RFPL4B: variants seen among roughly 807,000 people sequenced by gnomAD.
The protein encoded by RFPL4B is ret finger protein like 4B, also known as ret finger protein-like 4B.
For synonymous variants in RFPL4B, 118 were observed against 126.3 expected, an observed-to-expected ratio of 0.93 and a Z score of 0.44; for missense variants, 314 against 327.7, an observed-to-expected ratio of 0.96 and a Z score of 0.32.
In RFPL4B at chr6:112,350,542, G is replaced by A; in HGVS notation, c.*42G>A. On this transcript the variant is annotated 3_prime_UTR_variant, in exon 3 of 3. Coordinates refer to ENST00000441065, the MANE Select transcript of RFPL4B (RefSeq NM_001013734.3). ...TAGAAGCTTTCTGAGAGGTGAAAGA[G>A]AATTTTGGCCTGAGAAAGGTCAGCA... 6.7e-7 allele frequency: 1 copy of A among 1,499,336 alleles called. No homozygotes were observed. Among genetic ancestry groups the A allele is most frequent in the South Asian group, 1.3e-5 (1 of 75,238 alleles). 92.9% of individuals were successfully genotyped at this position (1,499,336 alleles called of 1,614,324 possible). A position where few individuals can be genotyped will look rare whatever the true frequency, so the allele number is the denominator to read the frequency against.
In RFPL4B at chr6:112,350,479, C is replaced by T. The variant is rs192278491; in HGVS notation, c.771C>T (p.Asn257=). Residue 257 remains asparagine (N), a synonymous_variant, in exon 3 of 3, where the codon AAC becomes AAT. Coordinates refer to ENST00000441065, the MANE Select transcript of RFPL4B (RefSeq NM_001013734.3). ...LELLGEGESG[N]VLTICP is the part of the protein sequence containing the mutation. ...TCTTGGGAGAAGGGGAGAGTGGCAA[C>T]GTCCTGACCATCTGCCCATGAGAAA... is the stretch of plus-strand genomic sequence containing the variant. 175 of 1,590,250 alleles carry T rather than the reference C, an allele frequency of 1.1e-4. 1 individual carries two copies. In the East Asian group the frequency reaches 3.5e-3, roughly 32 times the overall value.
Position 112,350,795 on chromosome 6 carries a change from A to C in RFPL4B, c.*295A>C, listed in dbSNP as rs556183956. ...TCAGTCAAACAGCTGTGGTAATTAG[A>C]GACAATACTATGCCTTTGTCTTATA... On this transcript the variant is annotated 3_prime_UTR_variant, in exon 3 of 3. Transcript: ENST00000441065. 6.6e-6 allele frequency: 2 copies of C among 301,012 alleles called. No homozygotes were observed. The highest frequency in any genetic ancestry group is 1.2e-4 in the East Asian group (2 of 16,478). 18.6% of individuals were successfully genotyped at this position (301,012 alleles called of 1,614,324 possible).
rs879361409 is a variant in RFPL4B, at chr6:112,347,363, A to T, written c.-279A>T. On this transcript the variant is annotated 5_prime_UTR_variant, in exon 1 of 3. Transcript: ENST00000441065. The stretch of plus-strand genomic sequence containing the variant: ...CAGAGGTCTGTAGAGGTAGAGACGT[A>T]GGCTTCGGATCTTTTAGAATTCTGC... 7.2e-5 allele frequency: 11 copies of T among 152,338 alleles called. No individual in the cohort carries two copies. Among genetic ancestry groups the T allele is most frequent in the Non-Finnish European group, 1.5e-4 (10 of 68,042 alleles). The allele number at this position is 152,338 out of a possible 1,614,324, so 9.4% of individuals were successfully genotyped here. A position where few individuals can be genotyped will look rare whatever the true frequency, so the allele number is the denominator to read the frequency against.
intron 1 of RFPL4B, among the ~76,000 whole-genome samples, chr6:112,348,848 A>T (rs7772069): frequency 0.22 from 33,715 of 152,160 alleles, 4,112 homozygotes; most frequent in African/African-American, 0.29. Flanking sequence ...TTGGGGTAAC[A>T]GGAGGGCATC....
chr6:112,349,909 C>A lies in RFPL4B; in HGVS notation c.201C>A (p.Ser67Arg). 1.2e-6 allele frequency: 2 copies of A among 1,614,114 alleles called. No homozygotes were observed. Among genetic ancestry groups the A allele is most frequent in the Non-Finnish European group, 1.7e-6 (2 of 1,179,990 alleles). Residue 67 changes from serine (S) to arginine (R), a missense_variant, in exon 3 of 3, where the codon AGC (serine) becomes AGA (arginine). By Grantham distance (110) the Ser-to-Arg change is moderately radical (BLOSUM62 -1). Transcript: ENST00000441065. ...KVPALEEWQVSVLTLMTKQHN... is the reference protein window; with the variant it reads ...KVPALEEWQVRVLTLMTKQHN... ...CTGCTTTGGAAGAATGGCAAGTGAGCGTCCTAACACTTATGACCAAGCAGC... is the reference window on the plus strand; with the variant it reads ...CTGCTTTGGAAGAATGGCAAGTGAGAGTCCTAACACTTATGACCAAGCAGC...
rs1458643245 is a variant in RFPL4B at position 112,350,458 on chromosome 6, G to C, written c.750G>C (p.Leu250Phe). Residue 250 changes from leucine to phenylalanine, a missense_variant, in exon 3 of 3, where the codon TTG becomes TTC. Coordinates refer to ENST00000441065, the MANE Select transcript of RFPL4B (RefSeq NM_001013734.3). ...LLCPFFCLEL[L>F]GEGESGNVLT... ...GTCCATTCTTCTGTCTTGAGCTCTT[G>C]GGAGAAGGGGAGAGTGGCAACGTCC... The C allele has an allele frequency of 2.5e-6, 4 of 1,605,088 alleles. No individual in the cohort carries two copies. Among genetic ancestry groups the C allele is most frequent in the African/African-American group, 1.3e-5 (1 of 74,690 alleles).
intron 1 of RFPL4B, among the ~76,000 whole-genome samples, chr6:112,347,875 G>C (rs973226999): frequency 2.0e-5 from 3 of 152,000 alleles, no homozygotes; most frequent in Admixed American, 2.0e-4. Context: ...TCAGGAGACC[G>C]AGGCAGGAGA....
rs1789126082 is a variant in RFPL4B at position 112,349,745 on chromosome 6, G to T, written c.37G>T (p.Val13Phe). 1.2e-6 allele frequency: 2 copies of T among 1,613,954 alleles called. No individual in the cohort carries two copies. The highest frequency in any genetic ancestry group is 2.7e-5 in the African/African-American group (2 of 74,878). ...CCTGCAAGCAGAGTTGTCCTGTCCA[G>T]TTTGCCTGGATTTTTTCTCCTGTTC... Reference protein sequence around the residue: ...KRLQAELSCPVCLDFFSCSIS... With the variant: ...KRLQAELSCPFCLDFFSCSIS... The change falls in exon 3 of 3, where the codon GTT becomes TTT. Residue 13 changes from valine to phenylalanine, a missense_variant. By Grantham distance (50) the Val-to-Phe change is conservative. Coordinates refer to ENST00000441065, the MANE Select transcript of RFPL4B (RefSeq NM_001013734.3).
chr6:112,347,974 CAAA>C (rs879611349), intron 1 of RFPL4B, among the ~76,000 whole-genome samples: 18 of 127,746 alleles, frequency 1.4e-4, no homozygotes, highest in Non-Finnish European at 2.5e-4. Flanking sequence ...GACTCCGTCT[CAAA>C]AAAAAAAAAA....
chr6:112,348,040 G>C (rs1789105669), intron 1 of RFPL4B, among the ~76,000 whole-genome samples: 4 of 152,008 alleles, frequency 2.6e-5, no homozygotes, highest in African/African-American at 9.7e-5. Flanking sequence ...TAGTAGTTGT[G>C]TCATAATTAG....
At chr6:112,348,866 T>A (rs1022843066) in intron 1 of RFPL4B, among the ~76,000 whole-genome samples, 3 of 152,216 alleles carry the variant, frequency 2.0e-5, no homozygotes, top group South Asian at 4.1e-4. Flanking sequence ...ATCTTCCTTG[T>A]CTGGAACATC....
At position 112,349,755 on chromosome 6, in the gene RFPL4B, A is replaced by G. The variant is rs1408649221; in HGVS notation, c.47A>G (p.Asp16Gly). 1.9e-6 allele frequency: 3 copies of G among 1,613,710 alleles called. No homozygotes were observed. Among genetic ancestry groups the G allele is most frequent in the Non-Finnish European group, 2.5e-6 (3 of 1,179,980 alleles). The change falls in exon 3 of 3, where the codon GAT becomes GGT. Residue 16 changes from aspartate (D) to glycine (G), a missense_variant. Transcript: ENST00000441065. ...QAELSCPVCL[D>G]FFSCSISLSC... ...GAGTTGTCCTGTCCAGTTTGCCTGG[A>G]TTTTTTCTCCTGTTCCATTTCTCTC...
chr6:112,350,648 CA>C lies in RFPL4B; in HGVS notation c.*150del, dbSNP rs968677337. On this transcript the variant is annotated 3_prime_UTR_variant, in exon 3 of 3. Coordinates refer to ENST00000441065, the MANE Select transcript of RFPL4B (RefSeq NM_001013734.3). ...AGATTTTGTAGACTTTGTAGCAAAA[CA>C]ATTTTCGGATTTTTGGGGTAAATTT... 9.1e-6 allele frequency: 6 copies of C among 658,072 alleles called. No homozygotes were observed. The highest frequency in any genetic ancestry group is 1.5e-5 in the Non-Finnish European group (6 of 409,400). The allele number at this position is 658,072 out of a possible 1,614,324, so 40.8% of individuals were successfully genotyped here. A position where few individuals can be genotyped will look rare whatever the true frequency, so the allele number is the denominator to read the frequency against.
Position 112,349,786 on chromosome 6 carries a change from T to C in RFPL4B, c.78T>C (p.Cys26=), listed in dbSNP as rs768612817. Residue 26 remains cysteine, a synonymous_variant, in exon 3 of 3, where the codon TGT becomes TGC. Transcript: ENST00000441065. ...TCTCCTGTTCCATTTCTCTCTCTTG[T>C]ACACACGTGTTCTGCTTTGATTGCA... ...DFFSCSISLS[C]THVFCFDCIQ... 1 of 1,614,152 alleles carries C rather than the reference T, an allele frequency of 6.2e-7. No individual in the cohort carries two copies. The highest frequency in any genetic ancestry group is 8.5e-7 in the Non-Finnish European group (1 of 1,180,012).
Position 112,349,972 on chromosome 6 carries a change from G to A in RFPL4B, c.264G>A (p.Glu88=), listed in dbSNP as rs781026084. The part of the protein sequence containing the change: ...SRLEQSLHVR[E]ELRHFREDVT... The stretch of plus-strand genomic sequence containing the variant: ...TTGAGCAAAGTCTGCACGTGAGGGA[G>A]GAGCTCCGGCATTTTCGGGAGGATG... Residue 88 remains glutamate (E), a synonymous_variant, in exon 3 of 3, where the codon GAG becomes GAA. Transcript: ENST00000441065. 6.2e-7 allele frequency: 1 copy of A among 1,614,192 alleles called. No individual in the cohort carries two copies. Among genetic ancestry groups the A allele is most frequent in the Non-Finnish European group, 8.5e-7 (1 of 1,180,036 alleles).
chr6:112,350,077 C>T lies in RFPL4B; in HGVS notation c.369C>T (p.His123=), dbSNP rs781503124. 35 of 1,614,078 alleles carry T rather than the reference C, an allele frequency of 2.2e-5. No individual in the cohort carries two copies. Among genetic ancestry groups the T allele is most frequent in the Middle Eastern group, 1.6e-4 (1 of 6,084 alleles). ...DLRSAQCKKI[H]HDLTKDPRLA... ...GAAGCGCTCAGTGTAAGAAGATCCA[C>T]CACGATCTGACAAAAGATCCCAGGC... is the stretch of plus-strand genomic sequence containing the variant. Residue 123 remains histidine (H), a synonymous_variant, in exon 3 of 3, where the codon CAC becomes CAT. Transcript: ENST00000441065.
chr6:112,349,874 GT>G lies in RFPL4B; in HGVS notation c.167del (p.Val56GlyfsTer11), dbSNP rs1789129155. On this transcript the variant is annotated frameshift_variant, in exon 3 of 3. Coordinates refer to ENST00000441065, the MANE Select transcript of RFPL4B (RefSeq NM_001013734.3). LOFTEE classifies it low-confidence loss of function (END_TRUNC). ...GATGTGCCCCTTGTGTCGAGACGTG[GT>G]GAAGGTACCTGCTTTGGAAGAATGG... ...RAMCPLCRDV[V>X]KVPALEEWQV... 1 of 1,614,152 alleles carries G rather than the reference GT, an allele frequency of 6.2e-7. No homozygotes were observed. The highest frequency in any genetic ancestry group is 1.3e-5 in the African/African-American group (1 of 75,030).
Position 112,350,614 on chromosome 6 carries a change from T to G in RFPL4B, c.*114T>G. The stretch of plus-strand genomic sequence containing the variant: ...GCTATAGTGCAAAGACTTGGTAAAT[T>G]TTTAAAGTAGATTTTGTAGACTTTG... On this transcript the variant is annotated 3_prime_UTR_variant, in exon 3 of 3. Transcript: ENST00000441065. The G allele has an allele frequency of 1.2e-6, 1 of 824,018 alleles. No individual in the cohort carries two copies. Among genetic ancestry groups the G allele is most frequent in the Admixed American group, 3.0e-5 (1 of 33,288 alleles). The allele number at this position is 824,018 out of a possible 1,614,324, so 51.0% of individuals were successfully genotyped here.
Position 112,350,386 on chromosome 6 carries a change from T to A in RFPL4B, c.678T>A (p.Asn226Lys). 6.2e-7 allele frequency: 1 copy of A among 1,614,166 alleles called. No homozygotes were observed. Among genetic ancestry groups the A allele is most frequent in the Non-Finnish European group, 8.5e-7 (1 of 1,179,988 alleles). Residue 226 changes from asparagine (N) to lysine (K), a missense_variant, in exon 3 of 3, where the codon AAT (asparagine) becomes AAA (lysine). By Grantham distance (94) the Asn-to-Lys change is moderately conservative (BLOSUM62 0). Transcript: ENST00000441065. ...TCCAGTTTTTTGATGTTGACAATAA[T>A]GTCCTCATCTATACACATGATGGTT... ...EEIQFFDVDN[N>K]VLIYTHDGFF... is the part of the protein sequence containing the mutation.
Sources: gnomAD v4.1 joint callset for allele counts (sites outside exome capture counted in the v4.1 genomes callset) on GRCh38, gnomAD v4.1.1 for gene constraint, MANE v1.5 for transcripts, NCBI Gene and HGNC (gene_info 2026-07-23, HGNC 2026-07-21) for gene names.